NKAIN3: variants seen among roughly 807,000 people sequenced by gnomAD.
The protein encoded by NKAIN3 is sodium/potassium transporting ATPase interacting 3.
Under a neutral mutation model 30.2 loss-of-function variants are expected in NKAIN3, and 25 were observed. The ratio of observed to expected loss-of-function variants is 0.83; its 90% confidence interval spans 0.60 to 1.16. NKAIN3 has a LOEUF of 1.16. Ranked by LOEUF, NKAIN3 falls within the 50% of genes most tolerant of loss-of-function variation. NKAIN3 has a pLI of 0.00. For synonymous variants in NKAIN3, 91 were observed against 89.6 expected (o/e 1.02, Z -0.09); for missense variants, 225 against 254.1 (o/e 0.89, Z 0.78).
chr8:62,675,168 C>T (rs1419477491), intron 3 of NKAIN3, among the ~76,000 whole-genome samples: 1 of 152,078 alleles, frequency 6.6e-6, no homozygotes, highest in Non-Finnish European at 1.5e-5. Context: ...TTATTACATG[C>T]ATTAATATAT....
intron 4 of NKAIN3, among the ~76,000 whole-genome samples, chr8:62,843,063 C>A (rs887870819): frequency 2.6e-5 from 4 of 151,906 alleles, no homozygotes; most frequent in Non-Finnish European, 4.4e-5. Flanking sequence ...GAAGAGACAA[C>A]CCATGCAATG....
chr8:62,758,390 G>T (rs1816529521), intron 4 of NKAIN3, among the ~76,000 whole-genome samples: 1 of 152,072 alleles, frequency 6.6e-6, no homozygotes, highest in Non-Finnish European at 1.5e-5. Context: ...TCATACTGTG[G>T]CTGTATAAGA....
At chr8:62,271,572 C>A (rs978487935) in intron 1 of NKAIN3, among the ~76,000 whole-genome samples, 1 of 152,134 alleles carries the variant, frequency 6.6e-6, no homozygotes, top group East Asian at 1.9e-4. Flanking sequence ...GAGCATAATG[C>A]TGGAGTTTCA....
intron 4 of NKAIN3, among the ~76,000 whole-genome samples, chr8:62,764,299 A>G (rs1329478998): frequency 6.6e-6 from 1 of 152,090 alleles, no homozygotes; most frequent in Non-Finnish European, 1.5e-5. Flanking sequence ...GGTAGGCTTT[A>G]TTATTTCTAT....
chr8:62,589,552 GA>G (rs975497298), intron 2 of NKAIN3, among the ~76,000 whole-genome samples, 161 bp from the exon 3 acceptor site: 1 of 151,588 alleles, frequency 6.6e-6, no homozygotes, highest in Admixed American at 6.6e-5. Context: ...TTAATTTCTG[GA>G]AAGCTTAGGG....
At chr8:62,816,401 G>C (rs938832417) in intron 4 of NKAIN3, among the ~76,000 whole-genome samples, 1 of 152,172 alleles carries the variant, frequency 6.6e-6, no homozygotes, top group East Asian at 1.9e-4. Flanking sequence ...TTCTTGGGGA[G>C]TGCATAAGCA....
intron 4 of NKAIN3, among the ~76,000 whole-genome samples, chr8:62,911,096 G>A (rs563174916): frequency 6.6e-6 from 1 of 152,118 alleles, no homozygotes; most frequent in African/African-American, 2.4e-5. Flanking sequence ...CATCAAAAAA[G>A]ACAAAATAAT....
At chr8:62,846,913 G>A (rs1350668996) in intron 4 of NKAIN3, among the ~76,000 whole-genome samples, 2 of 152,112 alleles carry the variant, frequency 1.3e-5, no homozygotes, top group Non-Finnish European at 2.9e-5. Flanking sequence ...GAGAGCTTGT[G>A]CAGGGTAACT....
Position 62,483,652 on chromosome 8 carries a change from G to T in NKAIN3, c.55-95887G>T, listed in dbSNP as rs1806805838. On this transcript the variant is annotated intron_variant, in intron 1 of 6. Coordinates refer to ENST00000623646, the MANE Select transcript of NKAIN3 (RefSeq NM_001304533.3). ...GGTAATCTTCTCATAGGTTGATTTT[G>T]ATTCTGAAGGCCGCCTTATCCTATG... 1.5e-5 allele frequency: 3 copies of T among 206,094 alleles called. No individual in the cohort carries two copies. In the South Asian group the frequency reaches 2.7e-4, roughly 18 times the overall value. 12.8% of individuals were successfully genotyped at this position (206,094 alleles called of 1,614,324 possible).
intron 3 of NKAIN3, among the ~76,000 whole-genome samples, chr8:62,595,162 A>C (rs1318034926): frequency 6.6e-6 from 1 of 151,904 alleles, no homozygotes; most frequent in Non-Finnish European, 1.5e-5. Context: ...GTTGTTACTA[A>C]AGTCATGGTT....
At chr8:62,644,625 C>A (rs1812402013) in intron 3 of NKAIN3, among the ~76,000 whole-genome samples, 1 of 152,088 alleles carries the variant, frequency 6.6e-6, no homozygotes, top group Admixed American at 6.6e-5. Flanking sequence ...GTGGAAAGGA[C>A]AACTATAGAT....
rs1210167849 is a variant in NKAIN3 at position 62,940,733 on chromosome 8, C to T, written c.533-13169C>T. Among the ~76,000 whole-genome samples, 4 of 151,914 alleles carry T rather than the reference C, an allele frequency of 2.6e-5. No homozygotes were observed. The East Asian group carries it at 7.7e-4, about 29-fold the overall frequency. On this transcript the variant is annotated intron_variant, in intron 5 of 6. Coordinates refer to ENST00000623646, the MANE Select transcript of NKAIN3 (RefSeq NM_001304533.3). ...TGTTTGAACTGAACAATAATAGTAACACAACCTATCAAAGCCTCTGAGATA... is the reference window on the plus strand; with the variant it reads ...TGTTTGAACTGAACAATAATAGTAATACAACCTATCAAAGCCTCTGAGATA...
intron 4 of NKAIN3, among the ~76,000 whole-genome samples, chr8:62,813,944 A>G (rs1299979076): frequency 6.6e-6 from 1 of 152,004 alleles, no homozygotes; most frequent in Non-Finnish European, 1.5e-5. Context: ...TTTTTCTTTT[A>G]GTGCTATGAA....
At chr8:62,335,136 T>G (rs574902191) in intron 1 of NKAIN3, among the ~76,000 whole-genome samples, 3 of 152,166 alleles carry the variant, frequency 2.0e-5, no homozygotes, top group Admixed American at 2.0e-4. Flanking sequence ...TTCTCCCATC[T>G]TTGAAAATCT....
intron 1 of NKAIN3, among the ~76,000 whole-genome samples, chr8:62,430,483 T>C (rs1804962076): frequency 6.6e-6 from 1 of 151,422 alleles, no homozygotes; most frequent in South Asian, 2.1e-4. Flanking sequence ...GATTTTATGA[T>C]ACTATCATTT....
chr8:62,391,766 A>C (rs927519890), intron 1 of NKAIN3, among the ~76,000 whole-genome samples: 3 of 151,990 alleles, frequency 2.0e-5, no homozygotes, highest in African/African-American at 7.2e-5. Context: ...GAAACCTCTC[A>C]TTGTTTAATG....
chr8:62,857,594 A>G (rs919786970), intron 4 of NKAIN3, among the ~76,000 whole-genome samples: 7 of 152,156 alleles, frequency 4.6e-5, no homozygotes, highest in Non-Finnish European at 2.9e-5. Flanking sequence ...TTTCAGAAAA[A>G]CAGTCTTCAA....
At chr8:62,789,172 A>G (rs1051297457) in intron 4 of NKAIN3, among the ~76,000 whole-genome samples, 24 of 152,148 alleles carry the variant, frequency 1.6e-4, no homozygotes, top group Middle Eastern at 3.4e-3. Flanking sequence ...TGAGCATGGA[A>G]TGTTCTTCCA....
At chr8:62,454,662 A>T (rs1375547835) in intron 1 of NKAIN3, among the ~76,000 whole-genome samples, 1 of 152,222 alleles carries the variant, frequency 6.6e-6, no homozygotes, top group Non-Finnish European at 1.5e-5. Context: ...CATTCCTGAC[A>T]TTGAATATTA....
Sources: gnomAD v4.1 joint callset for allele counts (sites outside exome capture counted in the v4.1 genomes callset) on GRCh38, gnomAD v4.1.1 for gene constraint, MANE v1.5 for transcripts, NCBI Gene and HGNC (gene_info 2026-07-23, HGNC 2026-07-21) for gene names.